PTPRN2: variants seen among roughly 807,000 people sequenced by gnomAD.
The protein encoded by PTPRN2 is receptor-type tyrosine-protein phosphatase N2.
Under a neutral mutation model 118.8 loss-of-function variants are expected in PTPRN2, and 74 were observed. That is an observed-to-expected ratio of 0.62 (90% CI 0.52 to 0.76). The LOEUF is 0.76. PTPRN2 is among the 30% of genes least tolerant of loss of function. PTPRN2 has a pLI of 0.00. For synonymous variants in PTPRN2, 641 were observed against 608.0 expected (o/e 1.05, Z -0.80); for missense variants, 1,481 against 1,394.4 (o/e 1.06, Z -0.99).
At chr7:158,405,289 G>A (rs1265915686) in intron 2 of PTPRN2, among the ~76,000 whole-genome samples, 5 of 152,134 alleles carry the variant, frequency 3.3e-5, no homozygotes, top group Middle Eastern at 3.2e-3. Flanking sequence ...ACACCTAGAC[G>A]AAGGTCAGGC....
intron 4 of PTPRN2, among the ~76,000 whole-genome samples, chr7:158,199,998 G>A (rs1563594358): frequency 6.6e-6 from 1 of 151,958 alleles, no homozygotes; most frequent in Non-Finnish European, 1.5e-5. Flanking sequence ...TCCAAAATAA[G>A]ACAAAATTAC....
At chr7:157,797,997 G>A (rs934729605) in intron 12 of PTPRN2, among the ~76,000 whole-genome samples, 3 of 152,180 alleles carry the variant, frequency 2.0e-5, no homozygotes, top group Admixed American at 6.5e-5. Flanking sequence ...CGTGGCTCAT[G>A]CCTGTAATCC....
intron 2 of PTPRN2, among the ~76,000 whole-genome samples, chr7:158,439,477 G>A (rs1816822194): frequency 6.6e-6 from 1 of 152,146 alleles, no homozygotes; most frequent in African/African-American, 2.4e-5. Context: ...GAAGAAGTGG[G>A]GAAGAGAGAA....
chr7:158,171,294 C>CATATATACACACAT lies in PTPRN2; in HGVS notation c.550-4004_550-4003insATGTGTGTATATAT, dbSNP rs1823627992. Among the ~76,000 whole-genome samples the CATATATACACACAT allele has an allele frequency of 7.7e-4, 48 of 62,152 alleles. 5 individuals carry two copies. The highest frequency in any genetic ancestry group is 3.6e-3 in the African/African-American group (47 of 13,104). 40.8% of individuals were successfully genotyped at this position (62,152 alleles called of 152,430 possible). ...ATATATACACACATATATATACACA[C>CATATATACACACAT]ATATATATACACACATATATATATA... On this transcript the variant is annotated intron_variant, in intron 5 of 22. Coordinates refer to ENST00000389418, the MANE Select transcript of PTPRN2 (RefSeq NM_002847.5).
At chr7:158,017,394 G>C (rs939335258) in intron 11 of PTPRN2, among the ~76,000 whole-genome samples, 2 of 151,752 alleles carry the variant, frequency 1.3e-5, no homozygotes, top group African/African-American at 4.8e-5. Flanking sequence ...CCAGGAGCAG[G>C]GAGAAGGGTC....
In PTPRN2 at chr7:158,574,893, C is replaced by T. The variant is rs1456190458; in HGVS notation, c.112+12665G>A. 6.6e-6 allele frequency among the ~76,000 whole-genome samples: 1 copy of T among 151,958 alleles called. No homozygotes were observed. The highest frequency in any genetic ancestry group is 2.4e-5 in the African/African-American group (1 of 41,220). ...CTGTCCGCCATCCACCTAGTCCCAG[C>T]AGCAGAGGTGAGAGCCACTGATTTA... is the stretch of plus-strand genomic sequence containing the variant. On this transcript the variant is annotated intron_variant, in intron 1 of 22. Coordinates refer to ENST00000389418, the MANE Select transcript of PTPRN2 (RefSeq NM_002847.5). The surrounding 1 kb of genome is among the most constrained non-coding windows in gnomAD (Gnocchi z 4.6).
chr7:157,727,365 C>T (rs1799658413), intron 12 of PTPRN2, among the ~76,000 whole-genome samples: 1 of 152,102 alleles, frequency 6.6e-6, no homozygotes, highest in Non-Finnish European at 1.5e-5. Context: ...GTGAAATAAG[C>T]CAGTCACCAA....
Position 157,813,153 on chromosome 7 carries a change from C to A in PTPRN2, c.1788+85520G>T, listed in dbSNP as rs962128527. Among the ~76,000 whole-genome samples, 2 of 152,180 alleles carry A rather than the reference C, an allele frequency of 1.3e-5. No individual in the cohort carries two copies. Among genetic ancestry groups the A allele is most frequent in the African/African-American group, 4.8e-5 (2 of 41,420 alleles). On this transcript the variant is annotated intron_variant, in intron 12 of 22. Coordinates refer to ENST00000389418, the MANE Select transcript of PTPRN2 (RefSeq NM_002847.5). This position sits in a 1 kb window ranked among gnomAD's most constrained non-coding sequence, Gnocchi z 4.7. ...GCCTCCCCCAAGCCAACCACCCGGGCCCACAGACAAGCATCTCCAGAGCGC... is the reference window on the plus strand; with the variant it reads ...GCCTCCCCCAAGCCAACCACCCGGGACCACAGACAAGCATCTCCAGAGCGC...
intron 12 of PTPRN2, among the ~76,000 whole-genome samples, chr7:157,810,615 G>GTCTGT (rs1805951264): frequency 7.4e-6 from 1 of 135,886 alleles, no homozygotes; most frequent in South Asian, 2.4e-4. Flanking sequence ...GACTGCTGGG[G>GTCTGT]GCTGGGCTCT....
At chr7:157,896,725 C>G (rs1379945656) in intron 12 of PTPRN2, among the ~76,000 whole-genome samples, 1 of 152,208 alleles carries the variant, frequency 6.6e-6, no homozygotes, top group African/African-American at 2.4e-5. Context: ...ATCTGACCTT[C>G]CATGCTTAAG....
intron 11 of PTPRN2, among the ~76,000 whole-genome samples, chr7:158,064,436 C>G (rs537057695): frequency 4.6e-5 from 7 of 152,256 alleles, no homozygotes; most frequent in African/African-American, 1.7e-4. Context: ...GGGCCAGAGA[C>G]TGGGGTCACA....
intron 1 of PTPRN2, among the ~76,000 whole-genome samples, chr7:158,514,066 C>T (rs568699467): frequency 1.1e-4 from 16 of 152,286 alleles, no homozygotes; most frequent in African/African-American, 3.6e-4. Flanking sequence ...ATCAACACCA[C>T]GGGCATCAAA....
chr7:157,711,942 G>C (rs1472610495), intron 12 of PTPRN2, among the ~76,000 whole-genome samples: 1 of 125,070 alleles, frequency 8.0e-6, no homozygotes, highest in East Asian at 2.2e-4. Flanking sequence ...TGAGTGGGGG[G>C]AGGGGCTGCG....
rs1802255228 is a variant in PTPRN2, at chr7:157,763,256, C to T, written c.1789-80319G>A. Among the ~76,000 whole-genome samples, 1 of 152,244 alleles carries T rather than the reference C, an allele frequency of 6.6e-6. No individual in the cohort carries two copies. Among genetic ancestry groups the T allele is most frequent in the African/African-American group, 2.4e-5 (1 of 41,470 alleles). On this transcript the variant is annotated intron_variant, in intron 12 of 22. Coordinates refer to ENST00000389418, the MANE Select transcript of PTPRN2 (RefSeq NM_002847.5). This position sits in a 1 kb window ranked among gnomAD's most constrained non-coding sequence, Gnocchi z 4.9. ...CCAGTCCAACTCAAATTTCCAGCCACATACACCATGACCTCTGGCGTGATG... is the reference window on the plus strand; with the variant it reads ...CCAGTCCAACTCAAATTTCCAGCCATATACACCATGACCTCTGGCGTGATG...
intron 2 of PTPRN2, among the ~76,000 whole-genome samples, chr7:158,372,377 G>A (rs116990591): frequency 0.81 from 91,421 of 113,244 alleles, 38,605 homozygotes; most frequent in East Asian, 0.99. Context: ...CTGGACCCCA[G>A]AGCTGGCCTC....
intron 12 of PTPRN2, among the ~76,000 whole-genome samples, chr7:157,710,513 C>T (rs1386925522): frequency 7.2e-6 from 1 of 138,778 alleles, no homozygotes; most frequent in East Asian, 2.6e-4. Flanking sequence ...AGGATGTTTC[C>T]CAGGGCAGAG....
intron 2 of PTPRN2, among the ~76,000 whole-genome samples, chr7:158,446,583 C>T (rs1817743269): frequency 6.6e-6 from 1 of 152,246 alleles, no homozygotes; most frequent in Non-Finnish European, 1.5e-5. Flanking sequence ...CAGACCCCAC[C>T]TGGACCCTGC....
At chr7:157,736,718 G>A (rs1300307577) in intron 12 of PTPRN2, among the ~76,000 whole-genome samples, 1 of 150,752 alleles carries the variant, frequency 6.6e-6, no homozygotes, top group East Asian at 1.9e-4. Flanking sequence ...TCTTAGTGTG[G>A]GAGGCTTGGT....
intron 5 of PTPRN2, among the ~76,000 whole-genome samples, chr7:158,190,668 G>A (rs1190055233): frequency 6.6e-6 from 1 of 152,220 alleles, no homozygotes; most frequent in Non-Finnish European, 1.5e-5. Flanking sequence ...AACCAACCAG[G>A]AAACACAGTC....
Sources: allele counts gnomAD v4.1 joint callset (sites outside exome capture counted in the v4.1 genomes callset), GRCh38; gene constraint gnomAD v4.1.1; non-coding constraint Gnocchi (gnomAD v3.1); transcripts MANE v1.5; gene names NCBI Gene and HGNC (gene_info 2026-07-23, HGNC 2026-07-21).